Variants in IQCM observed in about 807,000 individuals in gnomAD.
IQCM encodes the protein IQ domain-containing protein M.
In IQCM, 45 loss-of-function variants were observed where a neutral mutation model predicts 57.6. That is an observed-to-expected ratio of 0.78 (90% CI 0.62 to 1.00). IQCM has a LOEUF of 1.00. Among genes scored for constraint, IQCM ranks in the 50% least tolerant of loss-of-function variants. IQCM has a pLI of 0.00. For synonymous variants in IQCM, 148 were observed against 158.9 expected (o/e 0.93, Z 0.51); for missense variants, 468 against 511.6 (o/e 0.91, Z 0.82).
At chr4:149,680,871 C>A (rs866257836) in intron 7 of IQCM, among the ~76,000 whole-genome samples, 1 of 151,274 alleles carries the variant, frequency 6.6e-6, no homozygotes, top group African/African-American at 2.4e-5. Context: ...AAACTATGGT[C>A]TAGCTCCTGT....
chr4:149,813,555 C>A (rs923533395), intron 2 of IQCM, among the ~76,000 whole-genome samples: 3 of 152,016 alleles, frequency 2.0e-5, no homozygotes, highest in African/African-American at 7.2e-5. Context: ...GTACCAATTT[C>A]TCTAAAACTG....
At chr4:149,641,967 T>A (rs1758232145) in intron 7 of IQCM, among the ~76,000 whole-genome samples, 2 of 152,152 alleles carry the variant, frequency 1.3e-5, no homozygotes, top group African/African-American at 4.8e-5. Flanking sequence ...TCACTGTAGA[T>A]AAATTAACCA....
chr4:149,760,561 T>A (rs957320075), intron 2 of IQCM, among the ~76,000 whole-genome samples: 1 of 152,094 alleles, frequency 6.6e-6, no homozygotes, highest in African/African-American at 2.4e-5. Flanking sequence ...AAGGGTCTGG[T>A]TTCAGATTTC....
chr4:149,473,634 CA>C (rs1033733280), intron 12 of IQCM, among the ~76,000 whole-genome samples: 10 of 152,144 alleles, frequency 6.6e-5, no homozygotes, highest in Non-Finnish European at 1.5e-4. Flanking sequence ...GGTATACACC[CA>C]AAGGATTATA....
In IQCM at chr4:149,392,036, C is replaced by G. The variant is rs552684461; in HGVS notation, c.1391-39970G>C. ...TTCTCTATTTCCTTGTTGATCTTCT[C>G]CCTAGCTGTCTACCCACTACTGAAA... On this transcript the variant is annotated intron_variant, in intron 13 of 13. Coordinates refer to ENST00000636793, the MANE Select transcript of IQCM (RefSeq NM_001363507.2). 6.6e-5 allele frequency among the ~76,000 whole-genome samples: 10 copies of G among 151,332 alleles called. No homozygotes were observed. In the South Asian group the frequency reaches 1.3e-3, roughly 19 times the overall value.
At chr4:149,712,482 G>A (rs915875792) in intron 5 of IQCM, among the ~76,000 whole-genome samples, 13 of 151,992 alleles carry the variant, frequency 8.6e-5, no homozygotes, top group Admixed American at 7.9e-4. Flanking sequence ...CTTAAACCTG[G>A]CTAGCAATTT....
At chr4:149,367,544 T>A (rs572050550) in intron 13 of IQCM, among the ~76,000 whole-genome samples, 2 of 152,018 alleles carry the variant, frequency 1.3e-5, no homozygotes, top group African/African-American at 2.4e-5. Context: ...ATTATATGAA[T>A]GGGCCATAAT....
chr4:149,575,335 T>C (rs947463151), intron 9 of IQCM, among the ~76,000 whole-genome samples: 23 of 151,854 alleles, frequency 1.5e-4, no homozygotes, highest in Non-Finnish European at 2.2e-4. Flanking sequence ...GTGAAATTCA[T>C]CTTTTGTCTC....
chr4:149,673,158 C>T (rs974129896), intron 7 of IQCM, among the ~76,000 whole-genome samples: 8 of 152,096 alleles, frequency 5.3e-5, no homozygotes, highest in African/African-American at 1.7e-4. Context: ...ATGGTACCAA[C>T]CACTGCAAAA....
chr4:149,593,540 T>C (rs1753433895), intron 8 of IQCM, among the ~76,000 whole-genome samples: 1 of 152,170 alleles, frequency 6.6e-6, no homozygotes, highest in African/African-American at 2.4e-5. Context: ...GTGCCAGTTT[T>C]CAAAGGGAAT....
At chr4:149,662,933 C>T (rs572875354) in intron 7 of IQCM, among the ~76,000 whole-genome samples, 2 of 152,068 alleles carry the variant, frequency 1.3e-5, no homozygotes, top group African/African-American at 4.8e-5. Flanking sequence ...AGAACTTACT[C>T]CTGCAACTTT....
In IQCM at chr4:149,721,115, TA is replaced by T. The variant is rs550584222; in HGVS notation, c.385+12128del. Among the ~76,000 whole-genome samples the T allele has an allele frequency of 5.6e-3, 847 of 152,234 alleles. 11 individuals carry two copies. The highest frequency in any genetic ancestry group is 0.015 in the African/African-American group (636 of 41,564). On this transcript the variant is annotated intron_variant, in intron 5 of 13. Transcript: ENST00000636793. ...GATTCAACTAATGGCAGGTTGAAAA[TA>T]TTTTTTTAAAATACACAATAAAAAA...
Position 149,744,531 on chromosome 4 carries a change from C to G in IQCM, c.-48-1792G>C, listed in dbSNP as rs988536874. On this transcript the variant is annotated intron_variant, in intron 2 of 13. Coordinates refer to ENST00000636793, the MANE Select transcript of IQCM (RefSeq NM_001363507.2). ...GCTGGAAAGCAAGACATCCCACTGT[C>G]CTTTTAATGCAAAAAACTAGCCAAG... 2.0e-5 allele frequency among the ~76,000 whole-genome samples: 3 copies of G among 152,222 alleles called. No individual in the cohort carries two copies. In the South Asian group the frequency reaches 6.2e-4, roughly 32 times the overall value.
intron 13 of IQCM, among the ~76,000 whole-genome samples, chr4:149,429,270 A>G (rs1301078808): frequency 6.6e-6 from 1 of 151,962 alleles, no homozygotes; most frequent in Non-Finnish European, 1.5e-5. Flanking sequence ...AACGGAAGAT[A>G]AGTTAAAAGA....
At chr4:149,567,976 T>A (rs1048844029) in intron 9 of IQCM, among the ~76,000 whole-genome samples, 1 of 152,192 alleles carries the variant, frequency 6.6e-6, no homozygotes, top group Non-Finnish European at 1.5e-5. Flanking sequence ...CAAATAAGCA[T>A]ATTTTTAGCC....
At chr4:149,586,427 G>A (rs1194840856) in intron 9 of IQCM, among the ~76,000 whole-genome samples, 1 of 151,482 alleles carries the variant, frequency 6.6e-6, no homozygotes, top group Non-Finnish European at 1.5e-5. Context: ...TTATTCTAAT[G>A]TCTATAGGAT....
At chr4:149,459,473 A>C (rs1738043526) in intron 12 of IQCM, among the ~76,000 whole-genome samples, 1 of 152,222 alleles carries the variant, frequency 6.6e-6, no homozygotes, top group Admixed American at 6.5e-5. Context: ...TTACCATATT[A>C]GCCATTTTTA....
At chr4:149,643,470 G>A (rs1361722178) in intron 7 of IQCM, among the ~76,000 whole-genome samples, 1 of 152,202 alleles carries the variant, frequency 6.6e-6, no homozygotes, top group Non-Finnish European at 1.5e-5. Flanking sequence ...CAGGTGATAA[G>A]ACATTTAAGC....
At chr4:149,388,501 TATATATATTATAC>T (rs970197464) in intron 13 of IQCM, among the ~76,000 whole-genome samples, 45 of 143,568 alleles carry the variant, frequency 3.1e-4, no homozygotes, top group Non-Finnish European at 2.3e-4. Context: ...TGTCCAAATA[TATATATATTATAC>T]ATATATATTA....
Sources: allele counts gnomAD v4.1 joint callset (sites outside exome capture counted in the v4.1 genomes callset), GRCh38; gene constraint gnomAD v4.1.1; transcripts MANE v1.5; gene names NCBI Gene and HGNC (gene_info 2026-07-23, HGNC 2026-07-21).